The following COMMD1 variants were observed in gnomAD, a reference collection of about 807,000 sequenced individuals.
COMMD1 encodes copper metabolism domain containing 1.
In COMMD1, 10 loss-of-function variants were observed where a neutral mutation model predicts 17.2. The observed-to-expected ratio is 0.58, with a 90% CI of 0.36 to 0.99. COMMD1 has a LOEUF of 0.99. Among genes scored for constraint, COMMD1 ranks in the 50% least tolerant of loss-of-function variants. The pLI, the probability that COMMD1 is intolerant of heterozygous loss-of-function variation, is 0.01. For missense variants in COMMD1, 270 were observed against 231.8 expected (o/e 1.17, Z -1.07); for synonymous variants, 97 against 91.6 (o/e 1.06, Z -0.34).
chr2:61,919,925 G>A (rs775368424), intron 1 of COMMD1, among the ~76,000 whole-genome samples: 4 of 151,852 alleles, frequency 2.6e-5, no homozygotes, highest in African/African-American at 9.7e-5. Flanking sequence ...CCAGGAGTTC[G>A]AGACCAGCCT....
At chr2:62,074,257 G>T (rs187937293) in intron 2 of COMMD1, among the ~76,000 whole-genome samples, 22 of 152,248 alleles carry the variant, frequency 1.4e-4, no homozygotes, top group African/African-American at 5.3e-4. Flanking sequence ...TTGAAGGTTG[G>T]CCACATGATT....
chr2:61,893,719 A>G (rs182969944), intron 1 of COMMD1, among the ~76,000 whole-genome samples: 1 of 152,124 alleles, frequency 6.6e-6, no homozygotes, highest in Admixed American at 6.6e-5. Flanking sequence ...GAGGGTGAGG[A>G]AGGAGAATTG....
chr2:62,108,513 G>T (rs967117967), intron 2 of COMMD1, among the ~76,000 whole-genome samples: 3 of 152,264 alleles, frequency 2.0e-5, no homozygotes, highest in Middle Eastern at 3.4e-3. Context: ...GTGGTAAATT[G>T]TGGGAAGGTA....
chr2:62,120,068 G>C (rs1009444217), intron 2 of COMMD1, among the ~76,000 whole-genome samples: 1 of 152,166 alleles, frequency 6.6e-6, no homozygotes, highest in Admixed American at 6.5e-5. Context: ...CCCGATCACA[G>C]CTCACTACAG....
At chr2:62,128,319 C>CAG (rs1672937503) in intron 2 of COMMD1, among the ~76,000 whole-genome samples, 1 of 146,254 alleles carries the variant, frequency 6.8e-6, no homozygotes, top group Non-Finnish European at 1.5e-5. Context: ...CAGTGTGAGA[C>CAG]TCTGTCTAAA....
At chr2:61,945,828 T>C (rs1296020402) in intron 1 of COMMD1, among the ~76,000 whole-genome samples, 1 of 152,226 alleles carries the variant, frequency 6.6e-6, no homozygotes, top group Non-Finnish European at 1.5e-5. Context: ...TGAAAGTCAC[T>C]GTCGGTAGAA....
chr2:61,986,033 C>T (rs748493384), intron 1 of COMMD1, among the ~76,000 whole-genome samples: 41 of 152,134 alleles, frequency 2.7e-4, no homozygotes, highest in Middle Eastern at 3.2e-3. Context: ...GAAGAATTCC[C>T]TTTAGCATTT....
At chr2:61,905,246 A>G (rs550649201), upstream of COMMD1, among the ~76,000 whole-genome samples, 5 of 152,290 alleles carry the variant, frequency 3.3e-5, no homozygotes, top group African/African-American at 1.2e-4. Context: ...AAACTTCCTG[A>G]AAAAAAGGAT....
chr2:62,130,622 A>G (rs1673004805), intron 2 of COMMD1, among the ~76,000 whole-genome samples: 1 of 152,228 alleles, frequency 6.6e-6, no homozygotes, highest in Non-Finnish European at 1.5e-5. Flanking sequence ...TTTGCATGGG[A>G]AGTAGTATTA....
At chr2:62,117,247 T>G (rs1490826701) in intron 2 of COMMD1, among the ~76,000 whole-genome samples, 1 of 152,168 alleles carries the variant, frequency 6.6e-6, no homozygotes, top group African/African-American at 2.4e-5. Context: ...ACTACTACAT[T>G]CATGCTAGAA....
chr2:61,909,013 C>T (rs191617056), intron 1 of COMMD1, among the ~76,000 whole-genome samples: 45 of 152,340 alleles, frequency 3.0e-4, no homozygotes, highest in African/African-American at 1.0e-3. Context: ...TCCGCAACCT[C>T]TGCCTCCCAG....
intron 1 of COMMD1, among the ~76,000 whole-genome samples, chr2:61,897,986 A>G (rs72821336): frequency 0.32 from 47,974 of 152,064 alleles, 7,672 homozygotes; most frequent in South Asian, 0.35. Flanking sequence ...CTCCAGCTGA[A>G]TTAATGGAAT....
chr2:61,900,162 T>G (rs1414746938), intron 1 of COMMD1, among the ~76,000 whole-genome samples: 1 of 152,172 alleles, frequency 6.6e-6, no homozygotes, highest in Non-Finnish European at 1.5e-5. Flanking sequence ...TTTGAGTAAG[T>G]GGTCCTGAGG....
intron 2 of COMMD1, among the ~76,000 whole-genome samples, chr2:62,024,134 G>T (rs565191642): frequency 9.2e-5 from 14 of 152,260 alleles, no homozygotes; most frequent in African/African-American, 3.4e-4. Flanking sequence ...TAAATATTTT[G>T]CATAGGAAAA....
intron 1 of COMMD1, among the ~76,000 whole-genome samples, chr2:61,976,053 A>G (rs1671792901): frequency 6.6e-6 from 1 of 152,148 alleles, no homozygotes. Context: ...ATAGAAGGGT[A>G]TTGAATTCTC....
At chr2:62,061,554 C>CTT (rs57638195) in intron 2 of COMMD1, among the ~76,000 whole-genome samples, 51 of 131,538 alleles carry the variant, frequency 3.9e-4, no homozygotes, top group East Asian at 6.6e-4. Context: ...TCTTTCTTTT[C>CTT]TTTTTTTTTT....
At chr2:62,025,719 C>G (rs757287203) in intron 2 of COMMD1, among the ~76,000 whole-genome samples, 1 of 152,034 alleles carries the variant, frequency 6.6e-6, no homozygotes, top group Non-Finnish European at 1.5e-5. Flanking sequence ...GTCAGAGTGT[C>G]GCTCTGTCAC....
intron 2 of COMMD1, among the ~76,000 whole-genome samples, chr2:62,064,532 CTT>C (rs1213643566): frequency 6.6e-6 from 1 of 152,118 alleles, no homozygotes; most frequent in Non-Finnish European, 1.5e-5. Flanking sequence ...CATGTGATCT[CTT>C]TGTTATCTTC....
rs34009777 is a variant in COMMD1, at chr2:61,990,903, TACACACACACACACAC to T, written c.181-9776_181-9761del. Reference sequence around the variant, plus strand: ...AAAAAAAAAAAAAAATATATATATATACACACACACACACACACACACACACACACACACACATAAT... The same window carrying T: ...AAAAAAAAAAAAAAATATATATATATACACACACACACACACACACATAAT... On this transcript the variant is annotated intron_variant, in intron 1 of 2. Coordinates refer to ENST00000311832, the MANE Select transcript of COMMD1 (RefSeq NM_152516.4). Among the ~76,000 whole-genome samples, 5 of 116,166 alleles carry T rather than the reference TACACACACACACACAC, an allele frequency of 4.3e-5. No individual in the cohort carries two copies. The South Asian group carries it at 1.6e-3, about 36-fold the overall frequency. The allele number at this position is 116,166 out of a possible 152,430, so 76.2% of individuals were successfully genotyped here. A position where few individuals can be genotyped will look rare whatever the true frequency, so the allele number is the denominator to read the frequency against.
Sources: gnomAD v4.1 joint callset for allele counts (sites outside exome capture counted in the v4.1 genomes callset) on GRCh38, gnomAD v4.1.1 for gene constraint, MANE v1.5 for transcripts, NCBI Gene and HGNC (gene_info 2026-07-23, HGNC 2026-07-21) for gene names.